FHIT: variants seen among roughly 807,000 people sequenced by gnomAD.
FHIT encodes the protein bis(5'-adenosyl)-triphosphatase.
In FHIT, 19 loss-of-function variants were observed where a neutral mutation model predicts 17.9. The observed-to-expected ratio is 1.06, with a 90% CI of 0.74 to 1.56. The LOEUF is 1.56. Ranked by LOEUF, FHIT falls within the 40% of genes most tolerant of loss-of-function variation. FHIT has a pLI of 0.00. For synonymous variants in FHIT, 81 were observed against 69.7 expected, an observed-to-expected ratio of 1.16 and a Z score of -0.81; for missense variants, 248 against 189.2, an observed-to-expected ratio of 1.31 and a Z score of -1.82.
intron 5 of FHIT, among the ~76,000 whole-genome samples, chr3:60,192,543 G>A (rs1381331848): frequency 6.6e-6 from 1 of 152,150 alleles, no homozygotes; most frequent in Non-Finnish European, 1.5e-5. Context: ...TCTGATCTAT[G>A]AACAATCAAC....
Position 60,347,437 on chromosome 3 carries a change from T to C in FHIT, c.103+189423A>G, listed in dbSNP as rs1466679401. ...GTTAAGAGACATGTTTACAAATACA[T>C]TACAGCCATTAAAAAAGGAAGCATC... On this transcript the variant is annotated intron_variant, in intron 5 of 9. Coordinates refer to ENST00000492590, the MANE Select transcript of FHIT (RefSeq NM_002012.4). Among the ~76,000 whole-genome samples the C allele has an allele frequency of 2.0e-5, 3 of 152,150 alleles. No homozygotes were observed. In the East Asian group the frequency reaches 5.8e-4, roughly 29 times the overall value.
chr3:59,994,191 G>A (rs1699407283), intron 7 of FHIT, among the ~76,000 whole-genome samples: 2 of 152,016 alleles, frequency 1.3e-5, no homozygotes, highest in South Asian at 4.1e-4. Flanking sequence ...ACAAAAATAA[G>A]ATAAGCCATG....
chr3:59,961,398 T>C (rs76182264), intron 7 of FHIT, among the ~76,000 whole-genome samples: 1,541 of 152,290 alleles, frequency 0.01, 27 homozygotes, highest in African/African-American at 0.035. Context: ...AAATACTTCA[T>C]TTCGCTGTAC....
chr3:61,162,867 T>C lies in FHIT; in HGVS notation c.-164+37750A>G, dbSNP rs1350255132. 3.3e-5 allele frequency among the ~76,000 whole-genome samples: 5 copies of C among 152,352 alleles called. 1 individual carries two copies. Among genetic ancestry groups the C allele is most frequent in the Admixed American group, 2.0e-4 (3 of 15,306 alleles). On this transcript the variant is annotated intron_variant, in intron 2 of 9. Transcript: ENST00000492590. The stretch of plus-strand genomic sequence containing the variant: ...AACATTCTTTTCAGTATTCCTGATA[T>C]ATAAATGTGTCTGGGCTTTTTGGAT...
chr3:59,751,642 A>C (rs1416236888), intron 9 of FHIT: 2 of 225,818 alleles, frequency 8.9e-6, no homozygotes, highest in Non-Finnish European at 1.8e-5. Context: ...TCATTAAGAC[A>C]AAGATTAATT....
chr3:60,225,983 C>T (rs1443226937), intron 5 of FHIT, among the ~76,000 whole-genome samples: 2 of 152,218 alleles, frequency 1.3e-5, no homozygotes, highest in East Asian at 1.9e-4. Flanking sequence ...TGAGGCTGGG[C>T]GCTCTGTTTA....
chr3:60,297,924 G>A (rs900685042), intron 5 of FHIT, among the ~76,000 whole-genome samples: 2 of 152,068 alleles, frequency 1.3e-5, no homozygotes, highest in African/African-American at 4.8e-5. Flanking sequence ...GGTTCTGACT[G>A]GCCAGCTATA....
intron 4 of FHIT, chr3:60,596,041 C>A: frequency 5.0e-6 from 1 of 200,066 alleles, no homozygotes; most frequent in Non-Finnish European, 8.9e-6. Context: ...CTCTTCTCTC[C>A]ATTTTTGCCT....
chr3:61,048,726 C>T (rs1045681814), intron 2 of FHIT, among the ~76,000 whole-genome samples: 3 of 152,076 alleles, frequency 2.0e-5, no homozygotes, highest in African/African-American at 7.3e-5. Context: ...CTGGAAGCAA[C>T]CCAAATGTCC....
chr3:60,215,208 T>C (rs1207555706), intron 5 of FHIT, among the ~76,000 whole-genome samples: 2 of 151,964 alleles, frequency 1.3e-5, no homozygotes, highest in Admixed American at 6.6e-5. Context: ...TTAAAAAAAA[T>C]AGGCTGGGCC....
chr3:60,709,837 T>G (rs1057423892), intron 4 of FHIT, among the ~76,000 whole-genome samples: 1 of 152,204 alleles, frequency 6.6e-6, no homozygotes, highest in African/African-American at 2.4e-5. Flanking sequence ...ACGGTTTACT[T>G]AAAGCAACAG....
chr3:60,454,840 T>C (rs1212598124), intron 5 of FHIT, among the ~76,000 whole-genome samples: 1 of 152,050 alleles, frequency 6.6e-6, no homozygotes, highest in Admixed American at 6.6e-5. Context: ...ACACTACTTA[T>C]CCAGGGTTGT....
chr3:61,051,435 A>G (rs1296414757), intron 2 of FHIT, among the ~76,000 whole-genome samples: 2 of 152,032 alleles, frequency 1.3e-5, no homozygotes, highest in Non-Finnish European at 2.9e-5. Context: ...TTTTTGGTAC[A>G]GACGAGGCTT....
chr3:60,551,971 C>T (rs1369631589), intron 4 of FHIT, among the ~76,000 whole-genome samples: 2 of 151,946 alleles, frequency 1.3e-5, no homozygotes, highest in African/African-American at 4.8e-5. Context: ...GAAACCATTT[C>T]CTTTAGCAGT....
chr3:60,536,266 C>T (rs1236895896), intron 5 of FHIT: 1 of 152,140 alleles, frequency 6.6e-6, no homozygotes, highest in Non-Finnish European at 1.5e-5. Context: ...AACAACTCCA[C>T]CAATGACACT....
intron 8 of FHIT, among the ~76,000 whole-genome samples, chr3:59,840,276 C>G (rs1336728961): frequency 6.6e-6 from 1 of 151,942 alleles, no homozygotes; most frequent in Non-Finnish European, 1.5e-5. Flanking sequence ...TGTGGCCCCA[C>G]TGAGGTTACC....
chr3:60,556,863 G>A (rs559839590), intron 4 of FHIT, among the ~76,000 whole-genome samples: 1 of 152,326 alleles, frequency 6.6e-6, no homozygotes, highest in South Asian at 2.1e-4. Flanking sequence ...TGTGCTCAGG[G>A]CAAAGGATGC....
At chr3:60,193,580 T>C (rs1001577737) in intron 5 of FHIT, among the ~76,000 whole-genome samples, 5 of 152,136 alleles carry the variant, frequency 3.3e-5, no homozygotes, top group Admixed American at 6.5e-5. Context: ...AGAAGAAATA[T>C]GCATACCTAT....
chr3:60,737,124 C>A (rs2108000774), intron 4 of FHIT, among the ~76,000 whole-genome samples: 1 of 152,254 alleles, frequency 6.6e-6, no homozygotes, highest in East Asian at 1.9e-4. Flanking sequence ...AACATATTGC[C>A]ACTGCCCCCA....
Sources: allele counts gnomAD v4.1 joint callset (sites outside exome capture counted in the v4.1 genomes callset), GRCh38; gene constraint gnomAD v4.1.1; transcripts MANE v1.5; gene names NCBI Gene and HGNC (gene_info 2026-07-23, HGNC 2026-07-21).